MGA: variants seen among roughly 807,000 people sequenced by gnomAD.
MGA encodes the protein MAX dimerization protein MGA.
Under a neutral mutation model 261.1 loss-of-function variants are expected in MGA, and 40 were observed. The observed-to-expected ratio is 0.15, with a 90% CI of 0.12 to 0.20. The LOEUF (loss-of-function observed/expected upper bound fraction) is 0.20, where lower values mean the gene tolerates loss of function less well. MGA is among the 10% of genes least tolerant of loss of function. MGA has a pLI of 1.00. For missense variants in MGA, 3,397 were observed against 3,630.5 expected, an observed-to-expected ratio of 0.94 and a Z score of 1.65; for synonymous variants, 1,302 against 1,290.6, an observed-to-expected ratio of 1.01 and a Z score of -0.19.
chr15:41,654,187 T>G (rs2057121446), intron 1 of MGA, among the ~76,000 whole-genome samples: 1 of 152,216 alleles, frequency 6.6e-6, no homozygotes, highest in Non-Finnish European at 1.5e-5. Flanking sequence ...GAACATCAAA[T>G]CTTAGCTATC....
intron 22 of MGA, among the ~76,000 whole-genome samples, chr15:41,764,101 G>A (rs996358373): frequency 6.6e-6 from 1 of 151,894 alleles, no homozygotes; most frequent in African/African-American, 2.4e-5. Flanking sequence ...GGAGGCTGCA[G>A]TGAGCTGAAA....
At chr15:41,737,828 AAGTT>A (rs2061870243) in intron 13 of MGA, among the ~76,000 whole-genome samples, 2 of 152,008 alleles carry the variant, frequency 1.3e-5, no homozygotes, top group Non-Finnish European at 2.9e-5. Context: ...AAAAATAAAA[AAGTT>A]AGCCCGGCGT....
At position 41,736,287 on chromosome 15, in the gene MGA, C is replaced by T; in HGVS notation, c.4023C>T (p.Asp1341=). ...CCAAACTGATTGAGATCATCTCAGA[C>T]TGCAACTGGGAGGAAGATCGGAACA... Residue 1341 remains aspartate, a synonymous_variant, in exon 13 of 24, where the codon GAC becomes GAT. Coordinates refer to ENST00000219905, the MANE Select transcript of MGA (RefSeq NM_001164273.2). 6.2e-7 allele frequency: 1 copy of T among 1,614,012 alleles called. No homozygotes were observed. The highest frequency in any genetic ancestry group is 8.5e-7 in the Non-Finnish European group (1 of 1,179,904).
chr15:41,656,660 T>G (rs1380854783), upstream of MGA, among the ~76,000 whole-genome samples: 1 of 151,896 alleles, frequency 6.6e-6, no homozygotes, highest in African/African-American at 2.4e-5. Context: ...TGGGTGTTTC[T>G]TAATGAATGT....
chr15:41,653,102 C>A (rs2057100876), intron 1 of MGA, among the ~76,000 whole-genome samples: 2 of 152,148 alleles, frequency 1.3e-5, no homozygotes, highest in South Asian at 4.1e-4. Context: ...CGTGGTAGCT[C>A]ACGCCTGTAA....
chr15:41,763,256 C>A (rs867019726), intron 22 of MGA, among the ~76,000 whole-genome samples: 66 of 151,352 alleles, frequency 4.4e-4, no homozygotes, highest in Middle Eastern at 3.2e-3. Context: ...CCTGCCACTA[C>A]ACCCGGCTAA....
At chr15:41,630,988 A>G (rs1398528687) in intron 1 of MGA, among the ~76,000 whole-genome samples, 1 of 152,218 alleles carries the variant, frequency 6.6e-6, no homozygotes, top group Non-Finnish European at 1.5e-5. Flanking sequence ...AGTACTTGCC[A>G]TATATGGGTA....
intron 1 of MGA, among the ~76,000 whole-genome samples, chr15:41,643,472 C>A (rs2056868536): frequency 6.7e-6 from 1 of 148,766 alleles, no homozygotes. Context: ...GATTTCCTGA[C>A]CTTGTGATCT....
chr15:41,728,763 A>G (rs1426684307), intron 10 of MGA, among the ~76,000 whole-genome samples: 3 of 152,346 alleles, frequency 2.0e-5, no homozygotes, highest in African/African-American at 7.2e-5. Flanking sequence ...TGGATAGAAA[A>G]TAAGAGTAAA....
At position 41,760,398 on chromosome 15, in the gene MGA, T is replaced by C; in HGVS notation, c.7267T>C (p.Tyr2423His). 2 of 1,613,986 alleles carry C rather than the reference T, an allele frequency of 1.2e-6. No homozygotes were observed. The highest frequency in any genetic ancestry group is 1.7e-6 in the Non-Finnish European group (2 of 1,179,890). Reference sequence around the variant, plus strand: ...ACAGAAAGAAGCAGAAGCGTTTGCTTATTATCGCCGGACACACACTGCCAA... The same window carrying C: ...ACAGAAAGAAGCAGAAGCGTTTGCTCATTATCGCCGGACACACACTGCCAA... Residue 2423 changes from tyrosine (Y) to histidine (H), a missense_variant, in exon 20 of 24, where the codon TAT (tyrosine) becomes CAT (histidine). Transcript: ENST00000219905.
At chr15:41,665,058 A>G (rs556790076) in intron 1 of MGA, among the ~76,000 whole-genome samples, 7 of 152,208 alleles carry the variant, frequency 4.6e-5, no homozygotes, top group Non-Finnish European at 7.3e-5. Context: ...ATAGGAAACA[A>G]TAGTAAACCT....
chr15:41,697,099 G>A (rs1455690011), intron 3 of MGA, 76 bp downstream of exon 3: 2 of 1,203,870 alleles, frequency 1.7e-6, no homozygotes, highest in Non-Finnish European at 2.3e-6. Context: ...TAAGTAACTC[G>A]ATTTACAATC....
At chr15:41,701,558 G>C (rs1024694024) in intron 5 of MGA, among the ~76,000 whole-genome samples, 7 of 152,178 alleles carry the variant, frequency 4.6e-5, no homozygotes, top group African/African-American at 1.4e-4. Context: ...CTGAATTTGG[G>C]GGGTAGAGTT....
chr15:41,693,365 G>A (rs1262954963), intron 2 of MGA, among the ~76,000 whole-genome samples: 2 of 133,074 alleles, frequency 1.5e-5, no homozygotes, highest in African/African-American at 5.8e-5. Context: ...GTGTCCATGC[G>A]TTCTCATTGT....
In MGA at chr15:41,631,977, T is replaced by A. The variant is rs372893296; in HGVS notation, c.-68+10679T>A. Among the ~76,000 whole-genome samples the A allele has an allele frequency of 3.9e-5, 6 of 152,204 alleles. No individual in the cohort carries two copies. The East Asian group carries it at 1.2e-3, about 29-fold the overall frequency. ...CTTTACATAGGTTTATCTGATCATA[T>A]TACTCTCAATAAAATTCTTTAGTGG... On this transcript the variant is annotated intron_variant, in intron 1 of 8. Coordinates refer to the MGA transcript ENST00000566718.
chr15:41,625,927 T>G (rs975886071), intron 1 of MGA, among the ~76,000 whole-genome samples: 1 of 152,196 alleles, frequency 6.6e-6, no homozygotes. Context: ...TGGTTTCAGT[T>G]TCAGTTATCT....
intron 13 of MGA, among the ~76,000 whole-genome samples, chr15:41,737,652 GAA>G (rs753596404): frequency 6.6e-6 from 1 of 152,116 alleles, no homozygotes; most frequent in Non-Finnish European, 1.5e-5. Context: ...TAGAAAATTT[GAA>G]AAGAGACGTT....
At chr15:41,660,785 C>T (rs1056813980) in intron 1 of MGA, among the ~76,000 whole-genome samples, 4 of 152,306 alleles carry the variant, frequency 2.6e-5, no homozygotes, top group South Asian at 4.1e-4. Flanking sequence ...GGAACATCGA[C>T]GCCAGAGAGA....
intron 1 of MGA, among the ~76,000 whole-genome samples, chr15:41,632,978 G>C (rs185009633): frequency 1.4e-3 from 217 of 150,404 alleles, no homozygotes; most frequent in African/African-American, 5.0e-3. Context: ...TTGAGACGGA[G>C]TCTCGCTCTG....
Sources: allele counts gnomAD v4.1 joint callset (sites outside exome capture counted in the v4.1 genomes callset), GRCh38; gene constraint gnomAD v4.1.1; transcripts MANE v1.5; gene names NCBI Gene and HGNC (gene_info 2026-07-23, HGNC 2026-07-21).